MAN1C1: variants seen among roughly 807,000 people sequenced by gnomAD.
MAN1C1 encodes mannosyl-oligosaccharide 1,2-alpha-mannosidase IC.
A neutral mutation model predicts 71.5 loss-of-function variants in MAN1C1; 49 were observed. The observed-to-expected ratio is 0.69, with a 90% CI of 0.54 to 0.87. The LOEUF (loss-of-function observed/expected upper bound fraction) is 0.87. Among genes scored for constraint, MAN1C1 ranks in the 40% least tolerant of loss-of-function variants. The pLI, the probability that MAN1C1 is intolerant of heterozygous loss-of-function variation, is 0.00. For missense variants in MAN1C1, 743 were observed against 835.0 expected (o/e 0.89, Z 1.36); for synonymous variants, 352 against 343.7 (o/e 1.02, Z -0.27).
intron 2 of MAN1C1, among the ~76,000 whole-genome samples, chr1:25,734,885 A>G (rs756076662): frequency 2.0e-5 from 3 of 152,264 alleles, no homozygotes; most frequent in Non-Finnish European, 2.9e-5. Flanking sequence ...ATAAACGTTC[A>G]GAGGAGAAAA....
chr1:25,654,715 T>C (rs1450237638), intron 1 of MAN1C1, among the ~76,000 whole-genome samples: 1 of 151,986 alleles, frequency 6.6e-6, no homozygotes, highest in African/African-American at 2.4e-5. Flanking sequence ...GGTGCGATCT[T>C]GGCTCACTGC....
intron 1 of MAN1C1, among the ~76,000 whole-genome samples, chr1:25,659,639 A>T (rs1462971906): frequency 2.0e-5 from 3 of 152,234 alleles, no homozygotes; most frequent in Admixed American, 6.5e-5. Context: ...AGGTGAGTCC[A>T]TTGAAGCAGA....
chr1:25,663,154 GTATA>G (rs1227759538), intron 1 of MAN1C1, among the ~76,000 whole-genome samples: 1 of 147,248 alleles, frequency 6.8e-6, no homozygotes, highest in Non-Finnish European at 1.5e-5. Flanking sequence ...TTAAATACAT[GTATA>G]TATATTTTAT....
chr1:25,749,398 G>C (rs2047182243), intron 4 of MAN1C1, 63 bp downstream of exon 4: 1 of 1,373,062 alleles, frequency 7.3e-7, no homozygotes, highest in East Asian at 2.4e-5. Flanking sequence ...AGAATATCCA[G>C]TCCTTCCCCC....
intron 2 of MAN1C1, among the ~76,000 whole-genome samples, chr1:25,726,319 C>T (rs896003747): frequency 6.6e-6 from 1 of 152,146 alleles, no homozygotes; most frequent in Admixed American, 6.5e-5. Context: ...CTGCCCAACT[C>T]GTTCCTATTT....
intron 1 of MAN1C1, among the ~76,000 whole-genome samples, chr1:25,664,176 C>T (rs748980451): frequency 1.2e-4 from 18 of 152,006 alleles, no homozygotes; most frequent in African/African-American, 3.6e-4. Flanking sequence ...TGTTGGGGGA[C>T]CTGAGCGTTA....
chr1:25,740,054 C>T (rs2047039143), intron 2 of MAN1C1, among the ~76,000 whole-genome samples: 1 of 152,088 alleles, frequency 6.6e-6, no homozygotes, highest in South Asian at 2.1e-4. Flanking sequence ...GGCGGTGAAC[C>T]GAGTTCTCTC....
At chr1:25,672,079 A>G (rs1168909391) in intron 1 of MAN1C1, among the ~76,000 whole-genome samples, 2 of 152,210 alleles carry the variant, frequency 1.3e-5, no homozygotes, top group African/African-American at 4.8e-5. Flanking sequence ...CCTAACTCTC[A>G]GCTCAAGGCT....
intron 8 of MAN1C1, among the ~76,000 whole-genome samples, chr1:25,773,917 G>C (rs987165025): frequency 6.6e-6 from 1 of 152,104 alleles, no homozygotes; most frequent in African/African-American, 2.4e-5. Context: ...AAATCACCTA[G>C]GGAGCTGCAA....
At chr1:25,636,488 A>T (rs1397517943) in intron 1 of MAN1C1, among the ~76,000 whole-genome samples, 5 of 152,204 alleles carry the variant, frequency 3.3e-5, no homozygotes, top group Non-Finnish European at 5.9e-5. Flanking sequence ...ACGTCTGTTT[A>T]TAGGCTCTCT....
At chr1:25,772,583 C>T (rs1418796821) in intron 8 of MAN1C1, among the ~76,000 whole-genome samples, 1 of 131,684 alleles carries the variant, frequency 7.6e-6, no homozygotes, top group African/African-American at 2.9e-5. Flanking sequence ...CAAGTCGGAT[C>T]TACTCTGCCA....
intron 1 of MAN1C1, among the ~76,000 whole-genome samples, chr1:25,659,890 A>G (rs552558737): frequency 5.3e-5 from 8 of 152,270 alleles, no homozygotes; most frequent in East Asian, 1.9e-4. Flanking sequence ...TTATTTATCT[A>G]TTTCACCTGT....
chr1:25,684,633 G>T (rs1267218), intron 1 of MAN1C1, among the ~76,000 whole-genome samples: 1 of 152,160 alleles, frequency 6.6e-6, no homozygotes, highest in African/African-American at 2.4e-5. Flanking sequence ...TGGTCTGTGC[G>T]TTTGGGCTGC....
rs758982758 is a variant in MAN1C1 at position 25,758,609 on chromosome 1, C to T, written c.947C>T (p.Ala316Val). The T allele has an allele frequency of 5.0e-6, 8 of 1,614,174 alleles. No homozygotes were observed. The East Asian group carries it at 1.8e-4, about 36-fold the overall frequency. ...VSFKSGNWGW[A>V]TAGSSSILAE... ...CTTTTCAGTGGGAACTGGGGCTGGG[C>T]CACAGCCGGCAGCAGCAGCATCTTG... The change falls in exon 6 of 12, where the codon GCC becomes GTC. Residue 316 changes from alanine (A) to valine (V), a missense_variant. Transcript: ENST00000374332.
At chr1:25,682,008 T>C (rs149313678) in intron 1 of MAN1C1, among the ~76,000 whole-genome samples, 1 of 152,288 alleles carries the variant, frequency 6.6e-6, no homozygotes, top group East Asian at 1.9e-4. Context: ...GCAGAGTGTC[T>C]TTATATTTCA....
At chr1:25,629,471 C>T (rs761339117) in intron 1 of MAN1C1, among the ~76,000 whole-genome samples, 3 of 152,024 alleles carry the variant, frequency 2.0e-5, no homozygotes, top group Non-Finnish European at 2.9e-5. Context: ...GGTCTCCCTC[C>T]GTCACTCAGG....
At chr1:25,675,608 C>T (rs1335641653) in intron 1 of MAN1C1, among the ~76,000 whole-genome samples, 1 of 150,322 alleles carries the variant, frequency 6.7e-6, no homozygotes, top group Non-Finnish European at 1.5e-5. Flanking sequence ...GGTGGTTACC[C>T]AGTGTGGGAT....
chr1:25,758,746 A>C, intron 6 of MAN1C1, 37 bp downstream of exon 6: 1 of 1,569,324 alleles, frequency 6.4e-7, no homozygotes, highest in Non-Finnish European at 8.8e-7. Context: ...TGCGGAGCAG[A>C]GGGATGAGCG....
rs897222324 is a variant in MAN1C1 at position 25,711,426 on chromosome 1, G to A, written c.637+24890G>A. Among the ~76,000 whole-genome samples the A allele has an allele frequency of 1.3e-5, 2 of 152,174 alleles. No homozygotes were observed. The highest frequency in any genetic ancestry group is 2.4e-5 in the African/African-American group (1 of 41,428). On this transcript the variant is annotated intron_variant, in intron 2 of 11. Coordinates refer to ENST00000374332, the MANE Select transcript of MAN1C1 (RefSeq NM_020379.4). The surrounding 1 kb of genome is among the most constrained non-coding windows in gnomAD (Gnocchi z 4.3). ...CTAAAGTCAAATCGCTCATGGATGG[G>A]TCAGTGTGGGAGAAAGAAGTTGAAT...
Sources: gnomAD v4.1 joint callset for allele counts (sites outside exome capture counted in the v4.1 genomes callset) on GRCh38, gnomAD v4.1.1 for gene constraint, Gnocchi (gnomAD v3.1) non-coding constraint, MANE v1.5 for transcripts, NCBI Gene and HGNC (gene_info 2026-07-23, HGNC 2026-07-21) for gene names.